The following NAALADL2 variants were observed in gnomAD, a reference collection of about 807,000 sequenced individuals.
NAALADL2 encodes the protein N-acetylated alpha-linked acidic dipeptidase like 2, also known as inactive N-acetylated-alpha-linked acidic dipeptidase-like protein 2.
NAALADL2 carries 76 observed loss-of-function variants against 87.2 expected under a neutral mutation model. The ratio of observed to expected loss-of-function variants is 0.87; its 90% CI spans 0.72 to 1.05. The LOEUF (loss-of-function observed/expected upper bound fraction) is 1.05. Ranked by LOEUF, NAALADL2 falls within the 50% of genes least tolerant of loss-of-function variation. NAALADL2 has a pLI of 0.00. For missense variants in NAALADL2, 1,089 were observed against 945.8 expected (o/e 1.15, Z -1.99); for synonymous variants, 354 against 331.0 (o/e 1.07, Z -0.75).
intron 1 of NAALADL2, among the ~76,000 whole-genome samples, chr3:174,465,026 A>G (rs1443745588): frequency 1.3e-5 from 2 of 152,118 alleles, no homozygotes; most frequent in South Asian, 2.1e-4. Flanking sequence ...TTCAGGAACA[A>G]TGCTTTAATG....
In NAALADL2 at chr3:175,084,545, C is replaced by T. The variant is rs182793064; in HGVS notation, c.44-12245C>T. Among the ~76,000 whole-genome samples, 7 of 152,322 alleles carry T rather than the reference C, an allele frequency of 4.6e-5. No individual in the cohort carries two copies. The East Asian group carries it at 9.6e-4, about 21-fold the overall frequency. ...TGCCTTAATTACAGTCTGCATAAGA[C>T]ACCTCAGCATATAAATGTCTCACTA... On this transcript the variant is annotated intron_variant, in intron 1 of 13. Coordinates refer to ENST00000454872, the MANE Select transcript of NAALADL2 (RefSeq NM_207015.3).
At chr3:175,756,786 A>G in intron 13 of NAALADL2, among the ~76,000 whole-genome samples, 1 of 152,024 alleles carries the variant, frequency 6.6e-6, no homozygotes, top group Non-Finnish European at 1.5e-5. Context: ...AAACCTGCAC[A>G]TATACCTCCT....
chr3:175,105,312 CT>C (rs1722907144), intron 2 of NAALADL2, among the ~76,000 whole-genome samples: 1 of 151,954 alleles, frequency 6.6e-6, no homozygotes, highest in African/African-American at 2.4e-5. Context: ...CTCAGTAAGT[CT>C]TTACTGCCTG....
chr3:175,070,833 TA>T (rs1715496995), intron 1 of NAALADL2, among the ~76,000 whole-genome samples: 1 of 152,128 alleles, frequency 6.6e-6, no homozygotes, highest in Non-Finnish European at 1.5e-5. Flanking sequence ...AAGTACATAG[TA>T]AATATATTAA....
chr3:174,641,269 G>C (rs1333746841), intron 2 of NAALADL2, among the ~76,000 whole-genome samples: 1 of 152,170 alleles, frequency 6.6e-6, no homozygotes, highest in East Asian at 1.9e-4. Context: ...CCCAGCCCTG[G>C]CTGACACCTT....
chr3:175,653,988 AC>A (rs1225543021), intron 11 of NAALADL2, among the ~76,000 whole-genome samples: 7 of 152,198 alleles, frequency 4.6e-5, no homozygotes, highest in African/African-American at 1.7e-4. Flanking sequence ...CACTTCAGGG[AC>A]AAAGCATTGA....
chr3:174,658,106 G>A (rs1337226143), intron 2 of NAALADL2, among the ~76,000 whole-genome samples: 5 of 152,102 alleles, frequency 3.3e-5, no homozygotes, highest in African/African-American at 1.2e-4. Context: ...TCAGTTTTTT[G>A]TGTAGTTGTG....
intron 3 of NAALADL2, among the ~76,000 whole-genome samples, chr3:174,754,395 T>C (rs954615968): frequency 1.3e-5 from 2 of 152,134 alleles, no homozygotes; most frequent in African/African-American, 4.8e-5. Flanking sequence ...TCATTATTTT[T>C]TGTGAATGAA....
intron 2 of NAALADL2, among the ~76,000 whole-genome samples, chr3:175,228,648 A>G (rs569573379): frequency 3.4e-4 from 51 of 152,130 alleles, no homozygotes; most frequent in African/African-American, 1.2e-3. Flanking sequence ...AATTAAAATC[A>G]TTAAATCAGC....
At chr3:175,542,203 G>A (rs571838170) in intron 9 of NAALADL2, among the ~76,000 whole-genome samples, 100 of 152,084 alleles carry the variant, frequency 6.6e-4, no homozygotes, top group Non-Finnish European at 1.3e-3. Context: ...TTGCATAAAA[G>A]CACTTTTATT....
intron 2 of NAALADL2, among the ~76,000 whole-genome samples, chr3:174,621,681 C>G (rs939798937): frequency 1.3e-5 from 2 of 152,044 alleles, no homozygotes; most frequent in Non-Finnish European, 2.9e-5. Flanking sequence ...TTATTTTACC[C>G]CCATTGACTC....
At chr3:174,990,691 A>G (rs1345743637) in intron 1 of NAALADL2, among the ~76,000 whole-genome samples, 1 of 152,194 alleles carries the variant, frequency 6.6e-6, no homozygotes, top group African/African-American at 2.4e-5. Flanking sequence ...TTCTGCATAT[A>G]CAAGTATATT....
chr3:175,664,754 A>G (rs1057367624), intron 11 of NAALADL2, among the ~76,000 whole-genome samples: 2 of 152,156 alleles, frequency 1.3e-5, no homozygotes, highest in African/African-American at 4.8e-5. Flanking sequence ...AATTATTGTC[A>G]TGTTCACTTT....
At chr3:175,327,536 A>G (rs755410800) in intron 5 of NAALADL2, among the ~76,000 whole-genome samples, 4 of 152,138 alleles carry the variant, frequency 2.6e-5, no homozygotes, top group Admixed American at 2.6e-4. Context: ...TAAAATTTAC[A>G]TAAATTAAAA....
intron 3 of NAALADL2, among the ~76,000 whole-genome samples, chr3:174,808,861 T>G (rs1215335162): frequency 6.6e-6 from 1 of 151,728 alleles, no homozygotes; most frequent in Non-Finnish European, 1.5e-5. Context: ...CTGGTGTATG[T>G]GTATGTGTAT....
intron 1 of NAALADL2, among the ~76,000 whole-genome samples, chr3:175,062,672 A>T (rs1456843219): frequency 6.6e-6 from 1 of 152,084 alleles, no homozygotes; most frequent in East Asian, 1.9e-4. Context: ...AACGGGGCTA[A>T]TTTTTTCATT....
intron 5 of NAALADL2, among the ~76,000 whole-genome samples, chr3:175,394,890 C>T (rs1769562415): frequency 6.6e-6 from 1 of 152,136 alleles, no homozygotes; most frequent in South Asian, 2.1e-4. Flanking sequence ...ATTTGACAGA[C>T]AATTCATTCT....
In NAALADL2 at chr3:175,185,605, A is replaced by G. The variant is rs530128187; in HGVS notation, c.546-48326A>G. ...TAAAAGCATAAATCCATGCATGGAG[A>G]TAATTAATATTAAATCTAGAATAGT... On this transcript the variant is annotated intron_variant, in intron 2 of 13. Transcript: ENST00000454872. 2.6e-5 allele frequency among the ~76,000 whole-genome samples: 4 copies of G among 151,946 alleles called. No individual in the cohort carries two copies. The East Asian group carries it at 5.8e-4, about 22-fold the overall frequency.
chr3:175,258,232 C>CG (rs1225273348), intron 4 of NAALADL2, among the ~76,000 whole-genome samples: 13 of 148,832 alleles, frequency 8.7e-5, no homozygotes, highest in African/African-American at 3.0e-4. Flanking sequence ...CGCTTGAACC[C>CG]GGGAGGCAGA....
Sources: allele counts gnomAD v4.1 joint callset (sites outside exome capture counted in the v4.1 genomes callset), GRCh38; gene constraint gnomAD v4.1.1; transcripts MANE v1.5; gene names NCBI Gene and HGNC (gene_info 2026-07-23, HGNC 2026-07-21).